The following NEB variants were observed in gnomAD, a reference collection of about 807,000 sequenced individuals.
NEB encodes the protein nemaline myopathy type 2.
In NEB, 512 loss-of-function variants were observed where a neutral mutation model predicts 952.2. The ratio of observed to expected loss-of-function variants is 0.54; its 90% CI spans 0.50 to 0.58. The LOEUF (loss-of-function observed/expected upper bound fraction) is 0.58, where lower values mean the gene tolerates loss of function less well. Ranked by LOEUF, NEB falls within the 20% of genes least tolerant of loss-of-function variation. The pLI is 0.00. For missense variants in NEB, 8,428 were observed against 9,231.1 expected (o/e 0.91, Z 3.56); for synonymous variants, 2,900 against 3,149.8 (o/e 0.92, Z 2.66).
chr2:151,489,992 T>C lies in NEB; in HGVS notation c.25383A>G (p.Pro8461=). 1 of 1,607,778 alleles carries C rather than the reference T, an allele frequency of 6.2e-7. No individual in the cohort carries two copies. Among genetic ancestry groups the C allele is most frequent in the Non-Finnish European group, 8.5e-7 (1 of 1,174,306 alleles). ...TTACTCCAGCAGTAGATGGATGAGA[T>C]GGGATGGAAGATACCGTTGTCTGTT... ...ATQQTTVSSI[P]SHPSTAGKIF... is the part of the protein sequence containing the mutation. Residue 8461 remains proline (P), a synonymous_variant, in exon 181 of 182, where the codon CCA becomes CCG. Coordinates refer to ENST00000397345, the MANE Select transcript of NEB (RefSeq NM_001164508.2).
intron 13 of NEB, among the ~76,000 whole-genome samples, chr2:151,706,534 A>G (rs937510614): frequency 1.3e-5 from 2 of 152,180 alleles, no homozygotes; most frequent in Admixed American, 1.3e-4. Flanking sequence ...TCTATCTTTG[A>G]AAGTCTCCTT....
chr2:151,492,745 GAA>G, intron 176 of NEB: 1 of 304,126 alleles, frequency 3.3e-6, no homozygotes, highest in Non-Finnish European at 6.1e-6. Context: ...GTATAATTTT[GAA>G]AAGAGAGTGA....
chr2:151,695,432 T>C (rs970223262), intron 18 of NEB, 146 bp downstream of exon 18: 1 of 655,438 alleles, frequency 1.5e-6, no homozygotes, highest in Non-Finnish European at 2.7e-6. Flanking sequence ...TCAGTTATAC[T>C]GGCAGAGGCA....
intron 146 of NEB, among the ~76,000 whole-genome samples, chr2:151,528,588 T>A (rs2088155511): frequency 6.6e-6 from 1 of 152,228 alleles, no homozygotes; most frequent in Non-Finnish European, 1.5e-5. Flanking sequence ...TCCAGTTTGC[T>A]AGCCCTCATA....
At chr2:151,496,042 G>A (rs540875810) in intron 173 of NEB, among the ~76,000 whole-genome samples, 2 of 152,226 alleles carry the variant, frequency 1.3e-5, no homozygotes, top group African/African-American at 4.8e-5. Context: ...GAAGCAAAAG[G>A]ATGTTTTATA....
rs1188926886 is a variant in NEB, at chr2:151,637,516, C to G, written c.8995-1182G>C. 2.0e-5 allele frequency among the ~76,000 whole-genome samples: 3 copies of G among 152,276 alleles called. No homozygotes were observed. In the East Asian group the frequency reaches 5.8e-4, roughly 29 times the overall value. On this transcript the variant is annotated intron_variant, in intron 63 of 181. Coordinates refer to ENST00000397345, the MANE Select transcript of NEB (RefSeq NM_001164508.2). ...CAAAAAGTTCTCTTCTTTTTAACATCAGAGGGGAGCGCCCATGGCAGCGTC... is the reference window on the plus strand; with the variant it reads ...CAAAAAGTTCTCTTCTTTTTAACATGAGAGGGGAGCGCCCATGGCAGCGTC...
intron 153 of NEB, among the ~76,000 whole-genome samples, chr2:151,523,399 G>A (rs2083310032): frequency 6.6e-6 from 1 of 152,152 alleles, no homozygotes. Context: ...GGAATCCCAT[G>A]TTTGCTATTG....
At chr2:151,549,255 G>A (rs2095082331) in intron 130 of NEB, among the ~76,000 whole-genome samples, 1 of 152,194 alleles carries the variant, frequency 6.6e-6, no homozygotes, top group South Asian at 2.1e-4. Context: ...CATAGCAGAA[G>A]GAAGACAATA....
chr2:151,655,730 C>T, intron 50 of NEB, 87 bp downstream of exon 50: 1 of 1,387,000 alleles, frequency 7.2e-7, no homozygotes, highest in East Asian at 2.3e-5. Context: ...GAATGATGGA[C>T]CTTAATTAGA....
intron 50 of NEB, 111 bp downstream of exon 50, chr2:151,655,706 T>C (rs2099080203): frequency 4.3e-6 from 5 of 1,170,018 alleles, no homozygotes; most frequent in Non-Finnish European, 6.2e-6. Flanking sequence ...CTGGAATGGT[T>C]TGCCACAGCC....
intron 124 of NEB, among the ~76,000 whole-genome samples, chr2:151,559,680 TAACAC>T (rs2095893878): frequency 6.6e-6 from 1 of 152,114 alleles, no homozygotes; most frequent in Non-Finnish European, 1.5e-5. Context: ...CTCAGCAAAC[TAACAC>T]AAGAACAGAA....
Position 151,650,734 on chromosome 2 carries a change from T to C in NEB, c.7067A>G (p.Lys2356Arg). The part of the protein sequence containing the change: ...YKKDFEKWKT[K>R]FSSPVDMLGV... ...CAACATGTCCACTGGGCTGGAGAAC[T>C]TAGTTTTCCACTTCTCAAAGTCCTT... Residue 2356 changes from lysine (K) to arginine (R), a missense_variant, in exon 53 of 182, where the codon AAG becomes AGG. Lys to Arg is a conservative substitution (Grantham distance 26). Coordinates refer to ENST00000397345, the MANE Select transcript of NEB (RefSeq NM_001164508.2). 1 of 1,613,994 alleles carries C rather than the reference T, an allele frequency of 6.2e-7. No homozygotes were observed. Among genetic ancestry groups the C allele is most frequent in the Non-Finnish European group, 8.5e-7 (1 of 1,179,878 alleles).
At chr2:151,703,939 CG>C (rs1293910114) in intron 13 of NEB, among the ~76,000 whole-genome samples, 4 of 132,774 alleles carry the variant, frequency 3.0e-5, no homozygotes, top group Non-Finnish European at 4.8e-5. Flanking sequence ...AGGCGCTCTG[CG>C]TTTTAGAGTT....
At chr2:151,667,619 C>T (rs952750935) in intron 40 of NEB, among the ~76,000 whole-genome samples, 185 bp downstream of exon 40, 5 of 152,022 alleles carry the variant, frequency 3.3e-5, no homozygotes, top group African/African-American at 1.2e-4. Context: ...CTTCAAACTC[C>T]TGGGTTAAAG....
rs569058869 is a variant in NEB at position 151,538,996 on chromosome 2, A to G, written c.20893-752T>C. Among the ~76,000 whole-genome samples the G allele has an allele frequency of 2.0e-5, 3 of 152,366 alleles. No homozygotes were observed. The South Asian group carries it at 6.2e-4, about 32-fold the overall frequency. On this transcript the variant is annotated intron_variant, in intron 138 of 181. Coordinates refer to ENST00000397345, the MANE Select transcript of NEB (RefSeq NM_001164508.2). ...TGTAATTTTGTTTTTTAGATGGATCATAAGATTGCTTAGATCTACTTGTGG... is the reference window on the plus strand; with the variant it reads ...TGTAATTTTGTTTTTTAGATGGATCGTAAGATTGCTTAGATCTACTTGTGG...
rs1553517128 is a variant in NEB, at chr2:151,672,681, C to T, written c.3988-1G>A. On this transcript the variant is annotated splice_acceptor_variant, in intron 36 of 181. Coordinates refer to ENST00000397345, the MANE Select transcript of NEB (RefSeq NM_001164508.2). LOFTEE classifies it high-confidence loss of function. ...TCTCATAAGCTTCCTTGTATTTATA[C>T]TGTGGAGGCAGAATTGGGTTAGCAA... 1.0e-5 allele frequency: 16 copies of T among 1,607,608 alleles called. No individual in the cohort carries two copies. Among genetic ancestry groups the T allele is most frequent in the Non-Finnish European group, 1.4e-5 (16 of 1,175,696 alleles).
Position 151,640,176 on chromosome 2 carries a change from G to A in NEB, c.8686-116C>T. On this transcript the variant is annotated intron_variant, in intron 61 of 181. Transcript: ENST00000397345. ...AAATTTAGTTTGGTGGACGGGCCAG[G>A]TATCACACAATATTCCTCTTTGGTC... The A allele has an allele frequency of 2.1e-6, 3 of 1,456,568 alleles. 1 individual carries two copies. In the South Asian group the frequency reaches 3.8e-5, roughly 18 times the overall value. 90.2% of individuals were successfully genotyped at this position (1,456,568 alleles called of 1,614,324 possible).
At chr2:151,682,581 T>A (rs1350945982) in intron 29 of NEB, 81 bp downstream of exon 29, 5 of 1,141,764 alleles carry the variant, frequency 4.4e-6, no homozygotes, top group East Asian at 5.2e-5. Context: ...AATGAAGCAA[T>A]GAAGGAGCAC....
At chr2:151,537,578 T>C (rs1252181184) in intron 140 of NEB, among the ~76,000 whole-genome samples, 1 of 152,176 alleles carries the variant, frequency 6.6e-6, no homozygotes, top group African/African-American at 2.4e-5. Flanking sequence ...CTTCATGAAG[T>C]TGTCACTTCA....
Sources: gnomAD v4.1 joint callset for allele counts (sites outside exome capture counted in the v4.1 genomes callset) on GRCh38, gnomAD v4.1.1 for gene constraint, MANE v1.5 for transcripts, NCBI Gene and HGNC (gene_info 2026-07-23, HGNC 2026-07-21) for gene names.